Variants in FRMD5 observed in about 807,000 individuals in gnomAD.
FRMD5 encodes the protein FERM domain containing 5.
FRMD5 carries 20 observed loss-of-function variants against 69.0 expected under a neutral mutation model. The observed-to-expected ratio is 0.29, with a 90% CI of 0.20 to 0.42. FRMD5 has a LOEUF of 0.42. Ranked by LOEUF, FRMD5 falls within the 10% of genes least tolerant of loss-of-function variation. The probability of loss-of-function intolerance (pLI) is 1.00; values close to 1 mark genes in which losing one functional copy is unlikely to be tolerated. For synonymous variants in FRMD5, 271 were observed against 260.1 expected, an observed-to-expected ratio of 1.04 and a Z score of -0.40; for missense variants, 595 against 708.6, an observed-to-expected ratio of 0.84 and a Z score of 1.82.
intron 1 of FRMD5, among the ~76,000 whole-genome samples, chr15:44,017,293 G>C (rs562020216): frequency 1.8e-4 from 28 of 151,732 alleles, no homozygotes; most frequent in African/African-American, 6.0e-4. Flanking sequence ...AGCCAAGATA[G>C]CGCCACTGCA....
intron 1 of FRMD5, among the ~76,000 whole-genome samples, chr15:43,937,801 A>G (rs1043790222): frequency 2.0e-5 from 3 of 152,022 alleles, no homozygotes; most frequent in Non-Finnish European, 4.4e-5. Context: ...GGCCCTTTAG[A>G]GTTGTTTCAA....
At chr15:43,921,872 C>CT (rs1365949392) in intron 2 of FRMD5, among the ~76,000 whole-genome samples, 2 of 152,214 alleles carry the variant, frequency 1.3e-5, no homozygotes, top group African/African-American at 4.8e-5. Context: ...ACCAGGAGAG[C>CT]TTGCAGATGC....
intron 1 of FRMD5, among the ~76,000 whole-genome samples, chr15:43,960,287 T>C (rs2090177327): frequency 6.6e-6 from 1 of 151,884 alleles, no homozygotes; most frequent in Admixed American, 6.6e-5. Flanking sequence ...TCTCACTCTG[T>C]CACCCAGGCT....
chr15:44,069,939 T>G (rs1000801579), intron 1 of FRMD5, among the ~76,000 whole-genome samples: 1 of 152,218 alleles, frequency 6.6e-6, no homozygotes, highest in African/African-American at 2.4e-5. Flanking sequence ...AAATCTGGCA[T>G]GCAGTTTTCA....
intron 1 of FRMD5, among the ~76,000 whole-genome samples, chr15:44,119,893 G>A (rs886952154): frequency 1.9e-4 from 5 of 26,102 alleles, no homozygotes; most frequent in African/African-American, 3.2e-4. Context: ...TACAGTGAGT[G>A]GTAAAAAAAT....
chr15:44,025,619 T>C (rs1200366360), intron 1 of FRMD5, among the ~76,000 whole-genome samples: 37 of 152,222 alleles, frequency 2.4e-4, no homozygotes, highest in Non-Finnish European at 1.5e-5. Flanking sequence ...GTATTCTAAG[T>C]ATAAATGTGA....
At chr15:44,182,991 G>C (rs928531130) in intron 1 of FRMD5, among the ~76,000 whole-genome samples, 2 of 150,640 alleles carry the variant, frequency 1.3e-5, no homozygotes, top group African/African-American at 4.9e-5. Flanking sequence ...GTAGAGACGG[G>C]ATTTCACCAT....
At chr15:43,879,890 A>C in intron 13 of FRMD5, 1 of 374,186 alleles carries the variant, frequency 2.7e-6, no homozygotes, top group Admixed American at 4.6e-5. Context: ...ACTGCAGGGA[A>C]GGAGCAGCTC....
chr15:43,991,907 T>C (rs1266385617), intron 1 of FRMD5, among the ~76,000 whole-genome samples: 1 of 152,182 alleles, frequency 6.6e-6, no homozygotes, highest in Non-Finnish European at 1.5e-5. Flanking sequence ...TACTAATTAG[T>C]AGGTTTCCAG....
intron 1 of FRMD5, among the ~76,000 whole-genome samples, chr15:44,089,697 T>TGGGCA (rs539006025): frequency 1.8e-4 from 28 of 151,998 alleles, no homozygotes; most frequent in Non-Finnish European, 3.5e-4. Flanking sequence ...AGCCAGATCC[T>TGGGCA]ACGTCAAAAA....
chr15:43,924,960 G>A (rs1300765119), intron 1 of FRMD5, among the ~76,000 whole-genome samples: 2 of 149,866 alleles, frequency 1.3e-5, no homozygotes, highest in Admixed American at 1.3e-4. Context: ...CTGTGCCCCA[G>A]TTCCTCTCCC....
At position 43,884,765 on chromosome 15, in the gene FRMD5, T is replaced by A; in HGVS notation, c.990A>T (p.Ser330=). ...GTGGCTCCCGTTTGATCTTAGCACT[T>A]GATTCCATGACTTCCTTTGCAACTC... is the stretch of plus-strand genomic sequence containing the variant. ...SGRVAKEVME[S]SAKIKREPPE... The change falls in exon 12 of 14, where the codon TCA becomes TCT. Residue 330 remains serine (S), a synonymous_variant. Coordinates refer to ENST00000417257, the MANE Select transcript of FRMD5 (RefSeq NM_032892.5). 5 of 1,614,136 alleles carry A rather than the reference T, an allele frequency of 3.1e-6. No homozygotes were observed. Among genetic ancestry groups the A allele is most frequent in the Non-Finnish European group, 4.2e-6 (5 of 1,179,976 alleles).
chr15:43,883,713 G>C lies in FRMD5; in HGVS notation c.1125C>G (p.Ser375=). 6.2e-7 allele frequency: 1 copy of C among 1,608,148 alleles called. No homozygotes were observed. The highest frequency in any genetic ancestry group is 1.1e-5 in the South Asian group (1 of 90,342). ...GAAGCTCATGCTCACCTTCCATGAT[G>C]GAGATGTGAACAGCTCTTCTGCGGG... ...PRTRRRAVHI[S]IMEGLESLRD... Residue 375 remains serine, a synonymous_variant, in exon 13 of 14, where the codon TCC becomes TCG. Transcript: ENST00000417257.
chr15:44,091,569 C>T (rs977063676), intron 1 of FRMD5, among the ~76,000 whole-genome samples: 5 of 152,082 alleles, frequency 3.3e-5, no homozygotes, highest in Non-Finnish European at 5.9e-5. Context: ...AATCACAGCA[C>T]ATTAATGTGA....
chr15:43,918,784 T>A (rs78546048), intron 4 of FRMD5, among the ~76,000 whole-genome samples: 1 of 152,234 alleles, frequency 6.6e-6, no homozygotes, highest in South Asian at 2.1e-4. Context: ...AGGTGAGACT[T>A]TCACAGTAAA....
In FRMD5 at chr15:44,155,600, T is replaced by C. The variant is rs564149081; in HGVS notation, c.102+39353A>G. The stretch of plus-strand genomic sequence containing the variant: ...TTTAATTCCTCCCCAAATATATATA[T>C]ACATTTTTTGCGAGACAAAGTCTCG... On this transcript the variant is annotated intron_variant, in intron 1 of 13. Transcript: ENST00000417257. Among the ~76,000 whole-genome samples, 14 of 152,078 alleles carry C rather than the reference T, an allele frequency of 9.2e-5. 1 individual carries two copies. The East Asian group carries it at 1.4e-3, about 15-fold the overall frequency.
intron 1 of FRMD5, among the ~76,000 whole-genome samples, chr15:44,185,995 C>T (rs991883764): frequency 1.3e-5 from 2 of 152,072 alleles, no homozygotes; most frequent in East Asian, 1.9e-4. Context: ...GGCGTGATTT[C>T]GGCTCACCCA....
At chr15:44,117,771 C>G (rs905554323) in intron 1 of FRMD5, among the ~76,000 whole-genome samples, 1 of 152,136 alleles carries the variant, frequency 6.6e-6, no homozygotes, top group African/African-American at 2.4e-5. Flanking sequence ...GATATAAATA[C>G]AATCAGGGGA....
chr15:43,938,087 C>T (rs1229934211), intron 1 of FRMD5, among the ~76,000 whole-genome samples: 2 of 151,756 alleles, frequency 1.3e-5, no homozygotes, highest in Non-Finnish European at 2.9e-5. Flanking sequence ...AAAAATTAGC[C>T]GGGTGCGGTG....
Sources: gnomAD v4.1 joint callset for allele counts (sites outside exome capture counted in the v4.1 genomes callset) on GRCh38, gnomAD v4.1.1 for gene constraint, MANE v1.5 for transcripts, NCBI Gene and HGNC (gene_info 2026-07-23, HGNC 2026-07-21) for gene names.